Variants in DDX60 observed in about 807,000 individuals in gnomAD.
DDX60 encodes DExD/H-box helicase 60, also known as probable ATP-dependent RNA helicase DDX60.
DDX60 carries 165 observed loss-of-function variants against 212.8 expected under a neutral mutation model. The ratio of observed to expected loss-of-function variants is 0.78; its 90% CI spans 0.68 to 0.88. The LOEUF (loss-of-function observed/expected upper bound fraction) is 0.88. Among genes scored for constraint, DDX60 ranks in the 40% least tolerant of loss-of-function variants. The pLI is 0.00. For missense variants in DDX60, 1,905 were observed against 2,003.9 expected, an observed-to-expected ratio of 0.95 and a Z score of 0.94; for synonymous variants, 703 against 685.3, an observed-to-expected ratio of 1.03 and a Z score of -0.40.
chr4:168,257,549 C>G (rs1734464289), intron 25 of DDX60, among the ~76,000 whole-genome samples: 1 of 152,174 alleles, frequency 6.6e-6, no homozygotes, highest in African/African-American at 2.4e-5. Context: ...TATGTTGCTT[C>G]TCTTTTTACA....
At chr4:168,272,296 GT>G (rs760489253) in intron 18 of DDX60, among the ~76,000 whole-genome samples, 158 bp from the exon 19 acceptor site, 20 of 152,322 alleles carry the variant, frequency 1.3e-4, no homozygotes, top group Middle Eastern at 3.4e-3. Context: ...CATCAAAACT[GT>G]GCTATATTCA....
intron 33 of DDX60, among the ~76,000 whole-genome samples, chr4:168,226,198 A>G (rs938685091): frequency 6.6e-6 from 1 of 152,142 alleles, no homozygotes; most frequent in African/African-American, 2.4e-5. Flanking sequence ...TATTAAAGCT[A>G]ACTTTTGCCC....
intron 35 of DDX60, among the ~76,000 whole-genome samples, chr4:168,223,254 A>G (rs79507024): frequency 6.6e-6 from 1 of 152,198 alleles, no homozygotes; most frequent in East Asian, 1.9e-4. Context: ...TATAAAAGAT[A>G]TATTTGTATG....
At chr4:168,243,564 C>T (rs1285674166) in intron 30 of DDX60, among the ~76,000 whole-genome samples, 1 of 152,168 alleles carries the variant, frequency 6.6e-6, no homozygotes, top group African/African-American at 2.4e-5. Flanking sequence ...TACCATCTCG[C>T]ACTAATCAGA....
chr4:168,220,608 A>G, intron 37 of DDX60, 47 bp downstream of exon 37: 1 of 1,087,970 alleles, frequency 9.2e-7, no homozygotes, highest in South Asian at 1.7e-5. Context: ...CAAATTATAA[A>G]TAAATTATTA....
chr4:168,284,792 T>C, intron 12 of DDX60, 28 bp downstream of exon 12: 1 of 1,136,994 alleles, frequency 8.8e-7, no homozygotes, highest in East Asian at 2.5e-5. Context: ...TAGATTTAAA[T>C]TTATATCACT....
chr4:168,265,796 T>C (rs1734814263), intron 22 of DDX60, among the ~76,000 whole-genome samples: 1 of 129,296 alleles, frequency 7.7e-6, no homozygotes, highest in South Asian at 2.4e-4. Flanking sequence ...CTCCTGGATA[T>C]CATAAAGGAA....
chr4:168,226,970 T>C (rs912025196), intron 33 of DDX60, among the ~76,000 whole-genome samples: 4 of 152,108 alleles, frequency 2.6e-5, no homozygotes, highest in African/African-American at 7.2e-5. Flanking sequence ...CCTCCGAAAC[T>C]GTGACAAGTA....
chr4:168,317,231 GAC>G lies in DDX60; in HGVS notation c.-107+1389_-107+1390del, dbSNP rs374486209. ...ACACACATAAACACACACCCAACAG[GAC>G]ACACACATACAAAAACAAACAATCA... On this transcript the variant is annotated intron_variant, in intron 1 of 37. Coordinates refer to ENST00000393743, the MANE Select transcript of DDX60 (RefSeq NM_017631.6). Among the ~76,000 whole-genome samples the G allele has an allele frequency of 7.3e-5, 11 of 151,444 alleles. No individual in the cohort carries two copies. In the Middle Eastern group the frequency reaches 0.01, roughly 140 times the overall value.
At chr4:168,271,515 C>T (rs538697263) in intron 19 of DDX60, among the ~76,000 whole-genome samples, 37 of 152,352 alleles carry the variant, frequency 2.4e-4, no homozygotes, top group Non-Finnish European at 4.3e-4. Context: ...AATGCTTCCA[C>T]GCCCTGCCCC....
chr4:168,311,159 T>C (rs1737116966), intron 2 of DDX60, 92 bp from the exon 3 acceptor site: 1 of 1,480,958 alleles, frequency 6.8e-7, no homozygotes, highest in Admixed American at 1.7e-5. Flanking sequence ...TTCAAGAAAG[T>C]AAAACAGTAA....
intron 35 of DDX60, 114 bp downstream of exon 35, chr4:168,224,129 A>G: frequency 9.5e-7 from 1 of 1,057,304 alleles, no homozygotes; most frequent in Non-Finnish European, 1.4e-6. Context: ...ATACACCCAG[A>G]TTTTTTTTTT....
intron 37 of DDX60, among the ~76,000 whole-genome samples, chr4:168,218,896 G>T (rs2149488815): frequency 6.6e-6 from 1 of 152,144 alleles, no homozygotes; most frequent in Admixed American, 6.5e-5. Flanking sequence ...TCCCTTATCT[G>T]CCATCATAGC....
rs1384087537 is a variant in DDX60, at chr4:168,310,893, T to C, written c.74+105A>G. ...ATAGTTGTTCAGTGCCCTTAGCCCCTACATTGTTCAATGGTCAACTGTCTA... is the reference window on the plus strand; with the variant it reads ...ATAGTTGTTCAGTGCCCTTAGCCCCCACATTGTTCAATGGTCAACTGTCTA... On this transcript the variant is annotated intron_variant, in intron 3 of 37. Transcript: ENST00000393743. 1.1e-5 allele frequency: 7 copies of C among 637,996 alleles called. No individual in the cohort carries two copies. In the African/African-American group the frequency reaches 1.3e-4, roughly 12 times the overall value. 39.5% of individuals were successfully genotyped at this position (637,996 alleles called of 1,614,324 possible). A position where few individuals can be genotyped will look rare whatever the true frequency, so the allele number is the denominator to read the frequency against.
At chr4:168,314,485 T>C (rs74831298) in intron 1 of DDX60, among the ~76,000 whole-genome samples, 5,968 of 152,200 alleles carry the variant, frequency 0.039, 161 homozygotes, top group Non-Finnish European at 0.059. Context: ...TCTCATAAAA[T>C]AGTAACAGGC....
chr4:168,306,743 C>T (rs1360165510), intron 4 of DDX60, 23 bp from the exon 5 acceptor site: 4 of 1,520,760 alleles, frequency 2.6e-6, no homozygotes, highest in African/African-American at 2.8e-5. Flanking sequence ...AGGTGAAGTA[C>T]ATTTTATTTC....
At chr4:168,226,372 C>A (rs1038320118) in intron 33 of DDX60, among the ~76,000 whole-genome samples, 4 of 151,912 alleles carry the variant, frequency 2.6e-5, no homozygotes, top group Non-Finnish European at 5.9e-5. Flanking sequence ...GGGTGGAGTC[C>A]TCATAACTGG....
rs779975680 is a variant in DDX60 at position 168,262,113 on chromosome 4, T to C, written c.3160A>G (p.Asn1054Asp). 36 of 1,586,838 alleles carry C rather than the reference T, an allele frequency of 2.3e-5. No homozygotes were observed. Among genetic ancestry groups the C allele is most frequent in the Non-Finnish European group, 3.1e-5 (36 of 1,171,940 alleles). Residue 1054 changes from asparagine (N) to aspartate (D), a missense_variant, in exon 24 of 38, where the codon AAC becomes GAC. Coordinates refer to ENST00000393743, the MANE Select transcript of DDX60 (RefSeq NM_017631.6). ...AATTTATTGTTAAAATGAATGAAGT[T>C]TTCTGGGCACAGTTCCTTGAAAACA... is the stretch of plus-strand genomic sequence containing the variant. ...WPRAQELCPE[N>D]FIHFNNKLVI...
chr4:168,240,087 AC>A (rs1420042845), intron 30 of DDX60, among the ~76,000 whole-genome samples: 1 of 152,062 alleles, frequency 6.6e-6, no homozygotes, highest in Non-Finnish European at 1.5e-5. Context: ...CATCATCTCA[AC>A]CCAAAAGCTT....
Sources: gnomAD v4.1 joint callset for allele counts (sites outside exome capture counted in the v4.1 genomes callset) on GRCh38, gnomAD v4.1.1 for gene constraint, MANE v1.5 for transcripts, NCBI Gene and HGNC (gene_info 2026-07-23, HGNC 2026-07-21) for gene names.